Variants in MAD1L1 observed in about 807,000 individuals in gnomAD.
The protein encoded by MAD1L1 is mitotic spindle assembly checkpoint protein MAD1.
In MAD1L1, 95 loss-of-function variants were observed where a neutral mutation model predicts 96.9. The observed-to-expected ratio is 0.98, with a 90% confidence interval of 0.83 to 1.16. The LOEUF (loss-of-function observed/expected upper bound fraction) is 1.16, where lower values mean the gene tolerates loss of function less well. Among genes scored for constraint, MAD1L1 ranks in the 50% most tolerant of loss-of-function variants. MAD1L1 has a pLI of 0.00. For synonymous variants in MAD1L1, 473 were observed against 396.6 expected (o/e 1.19, Z -2.29); for missense variants, 1,007 against 954.4 (o/e 1.06, Z -0.73).
At chr7:1,828,965 GA>G (rs1192119108) in intron 18 of MAD1L1, among the ~76,000 whole-genome samples, 1 of 152,184 alleles carries the variant, frequency 6.6e-6, no homozygotes, top group Non-Finnish European at 1.5e-5. Flanking sequence ...CAGACATGGC[GA>G]AAACAGGATC....
Position 1,825,850 on chromosome 7 carries a change from G to A in MAD1L1, c.1999-9622C>T, listed in dbSNP as rs1160838183. Among the ~76,000 whole-genome samples the A allele has an allele frequency of 2.6e-5, 4 of 152,080 alleles. No individual in the cohort carries two copies. The East Asian group carries it at 7.7e-4, about 29-fold the overall frequency. On this transcript the variant is annotated intron_variant, in intron 18 of 18. Coordinates refer to ENST00000265854, the MANE Select transcript of MAD1L1 (RefSeq NM_001013836.2). ...AGGTCAGCACAGTCCCAGCCCCGGG[G>A]TTGGAGGTCAGCATAGTCCCAGCCC...
chr7:1,957,495 T>C (rs1381975235), intron 16 of MAD1L1, 134 bp downstream of exon 16: 6 of 869,256 alleles, frequency 6.9e-6, no homozygotes, highest in South Asian at 3.2e-5. Flanking sequence ...GGGGTGCACA[T>C]GGGAGGGAGG....
At chr7:1,923,664 C>T (rs547246458) in intron 17 of MAD1L1, among the ~76,000 whole-genome samples, 50 of 152,370 alleles carry the variant, frequency 3.3e-4, no homozygotes, top group African/African-American at 1.1e-3. Context: ...CGGCTGTGGC[C>T]GTGGGACTGA....
Position 1,816,085 on chromosome 7 carries a change from G to T in MAD1L1, c.2142C>A (p.Arg714=), listed in dbSNP as rs779889486. 11 of 1,611,108 alleles carry T rather than the reference G, an allele frequency of 6.8e-6. No homozygotes were observed. Among genetic ancestry groups the T allele is most frequent in the Non-Finnish European group, 9.3e-6 (11 of 1,178,932 alleles). ...LSSLTLELFS[R]QTVA ...AGCCTGCAGGCTACGCCACGGTCTG[G>T]CGGCTGAAGAGCTCGAGGGTGAGCG... is the stretch of plus-strand genomic sequence containing the variant. The change falls in exon 19 of 19, where the codon CGC becomes CGA. Residue 714 remains arginine, a synonymous_variant. Coordinates refer to ENST00000265854, the MANE Select transcript of MAD1L1 (RefSeq NM_001013836.2).
chr7:2,025,464 A>T (rs1020370975), intron 12 of MAD1L1, among the ~76,000 whole-genome samples: 4 of 152,242 alleles, frequency 2.6e-5, no homozygotes, highest in Non-Finnish European at 4.4e-5. Flanking sequence ...ACTGTTCTTC[A>T]AAAATAAAAG....
intron 18 of MAD1L1, among the ~76,000 whole-genome samples, chr7:1,853,251 C>T (rs990745107): frequency 6.6e-6 from 1 of 152,190 alleles, no homozygotes; most frequent in African/African-American, 2.4e-5. Context: ...TGCCACCTCA[C>T]GGGACTGCCC....
chr7:1,897,419 C>T (rs1451318940), intron 18 of MAD1L1, among the ~76,000 whole-genome samples: 1 of 152,182 alleles, frequency 6.6e-6, no homozygotes. Flanking sequence ...CATGCCAAGA[C>T]GGGGCCACGA....
intron 12 of MAD1L1, among the ~76,000 whole-genome samples, chr7:2,017,785 G>C: frequency 6.6e-6 from 1 of 152,220 alleles, no homozygotes; most frequent in East Asian, 1.9e-4. Context: ...CCCACGCAAT[G>C]AGAGACAGAT....
rs956901580 is a variant in MAD1L1 at position 2,114,585 on chromosome 7, C to A, written c.1073+34567G>T. Among the ~76,000 whole-genome samples, 1 of 152,256 alleles carries A rather than the reference C, an allele frequency of 6.6e-6. No homozygotes were observed. The highest frequency in any genetic ancestry group is 2.1e-4 in the South Asian group (1 of 4,828). On this transcript the variant is annotated intron_variant, in intron 11 of 18. Transcript: ENST00000265854. This position sits in a 1 kb window ranked among gnomAD's most constrained non-coding sequence, Gnocchi z 4.2. The stretch of plus-strand genomic sequence containing the variant: ...ATCTTCATGAAGATGAGCATGGCTA[C>A]GACTTGAACGGTGGTTTCTTAACAG...
intron 17 of MAD1L1, among the ~76,000 whole-genome samples, chr7:1,902,867 T>C (rs143304643): frequency 4.0e-5 from 6 of 150,228 alleles, no homozygotes; most frequent in Non-Finnish European, 8.9e-5. Context: ...GCGGAACTCA[T>C]GATTGATGAA....
chr7:1,981,220 G>T (rs542635938), intron 14 of MAD1L1, among the ~76,000 whole-genome samples: 1 of 152,184 alleles, frequency 6.6e-6, no homozygotes, highest in Non-Finnish European at 1.5e-5. Flanking sequence ...ACCCGCCTCC[G>T]CCTCCCAAAG....
intron 7 of MAD1L1, among the ~76,000 whole-genome samples, chr7:2,216,901 G>T (rs1793311536): frequency 6.6e-6 from 1 of 152,176 alleles, no homozygotes; most frequent in Non-Finnish European, 1.5e-5. Flanking sequence ...CCTCGAAGCT[G>T]CTTCCAATAC....
intron 11 of MAD1L1, among the ~76,000 whole-genome samples, chr7:2,094,694 G>A (rs1022635610): frequency 2.0e-5 from 3 of 151,866 alleles, no homozygotes; most frequent in Non-Finnish European, 4.4e-5. Context: ...CAGGAGCGTG[G>A]ATGGCAGGTG....
At chr7:1,892,016 G>A (rs1457509607) in intron 18 of MAD1L1, among the ~76,000 whole-genome samples, 4 of 152,074 alleles carry the variant, frequency 2.6e-5, no homozygotes, top group Non-Finnish European at 2.9e-5. Flanking sequence ...TCACCAGCTC[G>A]CCCAGAGCAC....
At chr7:1,891,254 G>A (rs554499592) in intron 18 of MAD1L1, among the ~76,000 whole-genome samples, 6 of 152,286 alleles carry the variant, frequency 3.9e-5, no homozygotes, top group East Asian at 3.9e-4. Context: ...GGCTGGGTGC[G>A]GTGGCTCACG....
chr7:1,843,495 C>T (rs988863662), intron 18 of MAD1L1, among the ~76,000 whole-genome samples: 7 of 152,174 alleles, frequency 4.6e-5, no homozygotes, highest in East Asian at 3.9e-4. Flanking sequence ...AGCTTTTCCG[C>T]GCTTCCCCGT....
At chr7:2,150,018 C>G (rs1028090225) in intron 10 of MAD1L1, among the ~76,000 whole-genome samples, 1 of 152,352 alleles carries the variant, frequency 6.6e-6, no homozygotes, top group Non-Finnish European at 1.5e-5. Context: ...CATCCTTGTT[C>G]TTCTCTTCAC....
intron 17 of MAD1L1, among the ~76,000 whole-genome samples, chr7:1,925,102 TA>T (rs1450942167): frequency 6.6e-6 from 1 of 152,060 alleles, no homozygotes; most frequent in African/African-American, 2.4e-5. Flanking sequence ...TCCAAATGCA[TA>T]AAAAATTACA....
chr7:2,124,535 C>G (rs1014365068), intron 11 of MAD1L1, among the ~76,000 whole-genome samples: 1 of 152,214 alleles, frequency 6.6e-6, no homozygotes, highest in African/African-American at 2.4e-5. Flanking sequence ...CCCACCCCAG[C>G]CAACAGAGGC....
Sources: gnomAD v4.1 joint callset for allele counts (sites outside exome capture counted in the v4.1 genomes callset) on GRCh38, gnomAD v4.1.1 for gene constraint, Gnocchi (gnomAD v3.1) non-coding constraint, MANE v1.5 for transcripts, NCBI Gene and HGNC (gene_info 2026-07-23, HGNC 2026-07-21) for gene names.